KCNN2: variants seen among roughly 807,000 people sequenced by gnomAD.
The protein encoded by KCNN2 is potassium calcium-activated channel subfamily N member 2.
Under a neutral mutation model 55.5 loss-of-function variants are expected in KCNN2, and 24 were observed. The ratio of observed to expected loss-of-function variants is 0.43; its 90% CI spans 0.31 to 0.61. KCNN2 has a LOEUF of 0.61. KCNN2 is among the 20% of genes least tolerant of loss of function. The pLI is 0.08. For missense variants in KCNN2, 754 were observed against 853.6 expected (o/e 0.88, Z 1.45); for synonymous variants, 431 against 336.1 (o/e 1.28, Z -3.09).
intron 1 of KCNN2, among the ~76,000 whole-genome samples, chr5:114,154,346 G>A (rs909964357): frequency 1.3e-5 from 2 of 152,060 alleles, no homozygotes; most frequent in Non-Finnish European, 2.9e-5. Context: ...TTGTAGTATA[G>A]CCTCTCTTTT....
At chr5:114,272,125 C>T (rs535981029) in intron 2 of KCNN2, among the ~76,000 whole-genome samples, 2 of 152,070 alleles carry the variant, frequency 1.3e-5, no homozygotes, top group Non-Finnish European at 2.9e-5. Flanking sequence ...AAACACAATA[C>T]CTTCCCTCAA....
At chr5:114,477,820 G>GATA (rs2150128816) in intron 5 of KCNN2, among the ~76,000 whole-genome samples, 1 of 152,100 alleles carries the variant, frequency 6.6e-6, no homozygotes, top group East Asian at 1.9e-4. Context: ...CCCCACAAAG[G>GATA]ATAATTATAC....
chr5:114,354,093 G>A (rs1757257711), intron 2 of KCNN2, among the ~76,000 whole-genome samples: 1 of 151,476 alleles, frequency 6.6e-6, no homozygotes, highest in Non-Finnish European at 1.5e-5. Context: ...TGAGGTGCTG[G>A]GGGTTTTCTT....
intron 2 of KCNN2, among the ~76,000 whole-genome samples, chr5:114,257,815 C>G (rs1755013771): frequency 6.6e-6 from 1 of 151,844 alleles, no homozygotes; most frequent in Non-Finnish European, 1.5e-5. Flanking sequence ...ACTTATTTTC[C>G]AATTTGGATG....
At chr5:114,140,038 G>T (rs1752245473) in intron 1 of KCNN2, among the ~76,000 whole-genome samples, 1 of 151,660 alleles carries the variant, frequency 6.6e-6, no homozygotes, top group Admixed American at 6.6e-5. Context: ...TACTGTTTTT[G>T]TTTTACAAGT....
At chr5:114,221,905 T>G (rs1337293007) in intron 2 of KCNN2, among the ~76,000 whole-genome samples, 1 of 152,208 alleles carries the variant, frequency 6.6e-6, no homozygotes, top group Non-Finnish European at 1.5e-5. Flanking sequence ...TAGCTCTACT[T>G]TTAATTAATC....
intron 1 of KCNN2, among the ~76,000 whole-genome samples, chr5:114,213,696 T>C (rs1435018946): frequency 6.6e-6 from 1 of 152,068 alleles, no homozygotes; most frequent in Non-Finnish European, 1.5e-5. Flanking sequence ...ATGCAATTTG[T>C]CTTATTATTG....
chr5:114,462,099 A>G (rs1423894772), intron 3 of KCNN2, among the ~76,000 whole-genome samples: 1 of 152,144 alleles, frequency 6.6e-6, no homozygotes, highest in East Asian at 1.9e-4. Context: ...CCATGACCAC[A>G]CAGAATGTGC....
intron 2 of KCNN2, among the ~76,000 whole-genome samples, chr5:114,369,260 G>A (rs889083304): frequency 3.9e-5 from 6 of 152,104 alleles, no homozygotes; most frequent in Non-Finnish European, 7.4e-5. Flanking sequence ...AACATTTTTT[G>A]GTGACAAATT....
chr5:114,411,873 T>G (rs540061625), intron 3 of KCNN2, among the ~76,000 whole-genome samples: 1 of 152,302 alleles, frequency 6.6e-6, no homozygotes, highest in African/African-American at 2.4e-5. Context: ...CTTAATCTAG[T>G]TAAGTTGACA....
chr5:114,143,944 C>T (rs1340612815), intron 1 of KCNN2, among the ~76,000 whole-genome samples: 2 of 152,084 alleles, frequency 1.3e-5, no homozygotes, highest in Non-Finnish European at 2.9e-5. Context: ...AGCAATAGCA[C>T]AAATTATACA....
chr5:114,077,149 G>C (rs2112534642), intron 1 of KCNN2, among the ~76,000 whole-genome samples: 1 of 152,352 alleles, frequency 6.6e-6, no homozygotes, highest in East Asian at 1.9e-4. Flanking sequence ...GTGCTGTGGA[G>C]ATGGAGTTAT....
chr5:114,266,028 T>C (rs962697823), intron 2 of KCNN2, among the ~76,000 whole-genome samples: 3 of 152,186 alleles, frequency 2.0e-5, no homozygotes, highest in Admixed American at 2.0e-4. Context: ...AGTAGCCACA[T>C]TTAAAAATGT....
chr5:114,459,914 G>T (rs990551339), intron 3 of KCNN2, among the ~76,000 whole-genome samples: 1 of 152,182 alleles, frequency 6.6e-6, no homozygotes, highest in Non-Finnish European at 1.5e-5. Context: ...AAGGATGGAA[G>T]AAATTTGTCT....
chr5:114,174,296 A>G (rs1403377058), intron 1 of KCNN2, among the ~76,000 whole-genome samples: 1 of 152,154 alleles, frequency 6.6e-6, no homozygotes, highest in Non-Finnish European at 1.5e-5. Flanking sequence ...AACAACGCAG[A>G]AAGTGTTTCT....
chr5:114,361,191 G>A (rs962985773), upstream of KCNN2: 1 of 152,308 alleles, frequency 6.6e-6, no homozygotes, highest in South Asian at 2.1e-4. Context: ...GCCCCCGCCA[G>A]GGGGGACCCG....
chr5:114,120,553 G>A (rs1225661791), intron 1 of KCNN2, among the ~76,000 whole-genome samples: 1 of 152,172 alleles, frequency 6.6e-6, no homozygotes, highest in Non-Finnish European at 1.5e-5. Flanking sequence ...AGTATTGATT[G>A]AGCACCAGTG....
intron 2 of KCNN2, among the ~76,000 whole-genome samples, chr5:114,227,590 C>T (rs549643151): frequency 3.2e-4 from 48 of 152,256 alleles, no homozygotes; most frequent in African/African-American, 1.1e-3. Context: ...ATCATTGTGC[C>T]TTGCACTTGA....
Position 114,496,018 on chromosome 5 carries a change from G to A in KCNN2, c.2212G>A (p.Gly738Arg), listed in dbSNP as rs138321847. 6.2e-7 allele frequency: 1 copy of A among 1,614,032 alleles called. No individual in the cohort carries two copies. ...TLIGSIHALP[G>R]LISQTIRQQQ... ...GATTGGTAGCATCCACGCCCTCCCT[G>A]GGCTCATAAGCCAGACCATCAGGCA... The change falls in exon 8 of 8, where the codon GGG (glycine) becomes AGG (arginine). Residue 738 changes from glycine (G) to arginine (R), a missense_variant. Transcript: ENST00000673685.
Sources: allele counts gnomAD v4.1 joint callset (sites outside exome capture counted in the v4.1 genomes callset), GRCh38; gene constraint gnomAD v4.1.1; transcripts MANE v1.5; gene names NCBI Gene and HGNC (gene_info 2026-07-23, HGNC 2026-07-21).